HUWE1: variants seen among roughly 807,000 people sequenced by gnomAD.
HUWE1 encodes the protein HECT, UBA and WWE domain containing E3 ubiquitin protein ligase 1, also known as E3 ubiquitin-protein ligase HUWE1.
In HUWE1, 18 loss-of-function variants were observed where a neutral mutation model predicts 299.4. That is an observed-to-expected ratio of 0.06 (90% CI 0.04 to 0.09). The LOEUF is 0.09. Ranked by LOEUF, HUWE1 falls within the 10% of genes least tolerant of loss-of-function variation. The pLI is 1.00. For synonymous variants in HUWE1, 1,317 were observed against 1,286.1 expected (o/e 1.02, Z -0.51); for missense variants, 1,832 against 3,462.3 (o/e 0.53, Z 11.82).
Position 53,625,217 on chromosome X carries a change from T to C in HUWE1, c.1531A>G (p.Met511Val), listed in dbSNP as rs1209057426. The C allele has an allele frequency of 8.3e-7, 1 of 1,206,083 alleles. No individual in the cohort carries two copies. The highest frequency in any genetic ancestry group is 1.1e-6 in the Non-Finnish European group (1 of 890,208). ...IPQRAALLKS[M>V]LNFLKKAIQD... ...ATGGCCTTCTTGAGGAAATTCAACA[T>C]GGATTTCAGAAGTGCTGCTCGTTGT... The change falls in exon 18 of 84, where the codon ATG (methionine) becomes GTG (valine). Residue 511 changes from methionine to valine, a missense_variant. Physicochemically the swap from Met to Val is conservative, Grantham distance 21. Transcript: ENST00000262854.
chrX:53,572,640 T>TA lies in HUWE1; in HGVS notation c.6312+1109dup, dbSNP rs782585689. ...AGTTTCTCAAAATGCCCCACTCACT[T>TA]AAAAAATCTAACCTGAGGATAATTC... is the stretch of plus-strand genomic sequence containing the variant. On this transcript the variant is annotated intron_variant, in intron 47 of 83. Coordinates refer to ENST00000262854, the MANE Select transcript of HUWE1 (RefSeq NM_031407.7). Among the ~76,000 whole-genome samples, 434 of 111,905 alleles carry TA rather than the reference T, an allele frequency of 3.9e-3. 2 individuals carry two copies. Among genetic ancestry groups the TA allele is most frequent in the African/African-American group, 0.014 (423 of 30,754 alleles).
At chrX:53,566,121 G>GTC (rs1239258009) in intron 49 of HUWE1, among the ~76,000 whole-genome samples, 504 of 36,987 alleles carry the variant, frequency 0.014, 10 homozygotes, top group African/African-American at 0.047. Context: ...GTATGTATGT[G>GTC]TGTGTGTGTG....
intron 67 of HUWE1, 30 bp downstream of exon 67, chrX:53,548,929 A>G (rs1556925764): frequency 8.7e-7 from 1 of 1,155,307 alleles, no homozygotes; most frequent in Admixed American, 2.5e-5. Context: ...CCCTTCTTCC[A>G]TCCCCAGGAG....
rs111394245 is a variant in HUWE1 at position 53,551,221 on chromosome X, T to A, written c.9097-32A>T. On this transcript the variant is annotated intron_variant, in intron 64 of 83. Coordinates refer to ENST00000262854, the MANE Select transcript of HUWE1 (RefSeq NM_031407.7). ...AGCAGAAAAAGTCAATGAGGGCATT[T>A]CTCCTGCCAGGCAGCCTGGCCCCAC... 7.2e-5 allele frequency: 87 copies of A among 1,209,277 alleles called. No homozygotes were observed. The African/African-American group carries it at 1.3e-3, about 19-fold the overall frequency.
chrX:53,533,565 C>G lies in HUWE1; in HGVS notation c.13023-154G>C, dbSNP rs2060860151. ...TCTTGTCTCAGCCCAGTATGTCCCC[C>G]TTTATCTGGCTCCCAAACTGGCCAT... On this transcript the variant is annotated intron_variant, in intron 83 of 83. Coordinates refer to ENST00000262854, the MANE Select transcript of HUWE1 (RefSeq NM_031407.7). The G allele has an allele frequency of 1.2e-5, 6 of 493,197 alleles. No homozygotes were observed. The East Asian group carries it at 2.2e-4, about 18-fold the overall frequency. 40.6% of individuals were successfully genotyped at this position (493,197 alleles called of 1,213,427 possible). A position where few individuals can be genotyped will look rare whatever the true frequency, so the allele number is the denominator to read the frequency against.
In HUWE1 at chrX:53,630,750, C is replaced by T. The variant is rs1416311456; in HGVS notation, c.862+185G>A. 1.5e-5 allele frequency: 6 copies of T among 400,829 alleles called. No individual in the cohort carries two copies. The Admixed American group carries it at 2.2e-4, about 14-fold the overall frequency. The allele number at this position is 400,829 out of a possible 1,213,427, so 33.0% of individuals were successfully genotyped here. ...ATCAACATCATCATACCCTCTTTCTCGTCCAACATTAAGGAGCTCAAGGAT... is the reference window on the plus strand; with the variant it reads ...ATCAACATCATCATACCCTCTTTCTTGTCCAACATTAAGGAGCTCAAGGAT... On this transcript the variant is annotated intron_variant, in intron 12 of 83. Coordinates refer to ENST00000262854, the MANE Select transcript of HUWE1 (RefSeq NM_031407.7).
chrX:53,610,732 G>A (rs904367677), intron 23 of HUWE1, among the ~76,000 whole-genome samples: 14 of 111,744 alleles, frequency 1.3e-4, no homozygotes, highest in African/African-American at 4.6e-4. Flanking sequence ...CTCCCAGTGG[G>A]CCACATTTCA....
At chrX:53,574,024 C>T (rs1556955697) in intron 46 of HUWE1, 60 bp from the exon 47 acceptor site, 6 of 1,005,940 alleles carry the variant, frequency 6.0e-6, no homozygotes, top group Admixed American at 4.4e-5. Context: ...AAAATCAAGT[C>T]TTAGGTGGAA....
chrX:53,636,309 T>A (rs2149123486), intron 7 of HUWE1, among the ~76,000 whole-genome samples: 2 of 112,814 alleles, frequency 1.8e-5, no homozygotes, highest in South Asian at 7.3e-4. Context: ...AAACTGACTG[T>A]CGGAATTCAA....
In HUWE1 at chrX:53,592,928, G is replaced by A. The variant is rs139979899; in HGVS notation, c.3742-300C>T. Among the ~76,000 whole-genome samples the A allele has an allele frequency of 0.011, 1,176 of 111,566 alleles. 6 individuals are homozygous for A. Among genetic ancestry groups the A allele is most frequent in the Non-Finnish European group, 0.016 (850 of 53,067 alleles). Reference sequence around the variant, plus strand: ...TGTTTAGTGTTGTCTTCATGATAGTGAGTTAGTGTGTACCACCCCCTCCAC... The same window carrying A: ...TGTTTAGTGTTGTCTTCATGATAGTAAGTTAGTGTGTACCACCCCCTCCAC... On this transcript the variant is annotated intron_variant, in intron 32 of 83. Coordinates refer to ENST00000262854, the MANE Select transcript of HUWE1 (RefSeq NM_031407.7).
At chrX:53,601,213 G>A (rs1405818963) in intron 28 of HUWE1, among the ~76,000 whole-genome samples, 2 of 105,637 alleles carry the variant, frequency 1.9e-5, no homozygotes, top group African/African-American at 3.5e-5. Context: ...ACAGGGTCTC[G>A]CTCTGTCATC....
At chrX:53,627,658 C>T in intron 16 of HUWE1, 81 bp downstream of exon 16, 1 of 980,947 alleles carries the variant, frequency 1.0e-6, no homozygotes, top group Non-Finnish European at 1.4e-6. Flanking sequence ...TGTAAGATCG[C>T]TCTTTAGGGT....
chrX:53,554,756 C>A lies in HUWE1; in HGVS notation c.8371G>T (p.Ala2791Ser), dbSNP rs2047925685. Reference protein sequence around the residue: ...GEVPQELQSPAGEGGSSTQLL... With the variant: ...GEVPQELQSPSGEGGSSTQLL... ...TGTGTAGAGCTGCCCCCTTCTCCAG[C>A]TGGAGACTGCAGCTCCTGAGGAACC... Residue 2791 changes from alanine (A) to serine (S), a missense_variant, in exon 61 of 84, where the codon GCT becomes TCT. This residue lies in a region of HUWE1 where 143 missense variants were observed against 148.1 expected (regional missense o/e 0.97). Transcript: ENST00000262854. 8.3e-7 allele frequency: 1 copy of A among 1,210,215 alleles called. No homozygotes were observed. Among genetic ancestry groups the A allele is most frequent in the Admixed American group, 2.2e-5 (1 of 45,901 alleles).
chrX:53,577,111 T>A, intron 43 of HUWE1, 44 bp from the exon 44 acceptor site: 1 of 1,000,678 alleles, frequency 1.0e-6, no homozygotes, highest in Non-Finnish European at 1.4e-6. Flanking sequence ...CATGAAGCAG[T>A]ACCTAAACTA....
At chrX:53,676,148 CCT>C (rs1557051070) in intron 3 of HUWE1, among the ~76,000 whole-genome samples, 1 of 111,747 alleles carries the variant, frequency 8.9e-6, no homozygotes, top group African/African-American at 3.3e-5. Flanking sequence ...TTTTCACCAC[CCT>C]GACTGCCCAC....
intron 55 of HUWE1, 109 bp downstream of exon 55, chrX:53,561,640 AGCATAGG>A: frequency 9.5e-7 from 1 of 1,053,874 alleles, no homozygotes; most frequent in Middle Eastern, 3.5e-4. Context: ...CCAGGAAGTC[AGCATAGG>A]AAAAGAAGTG....
chrX:53,671,024 T>C (rs1487709508), intron 3 of HUWE1, among the ~76,000 whole-genome samples: 2 of 112,023 alleles, frequency 1.8e-5, no homozygotes, highest in African/African-American at 6.5e-5. Context: ...TAAAGGCCAA[T>C]TTAGCAATGA....
At chrX:53,649,258 C>T (rs1162984364) in intron 4 of HUWE1, among the ~76,000 whole-genome samples, 1 of 111,751 alleles carries the variant, frequency 8.9e-6, no homozygotes, top group Non-Finnish European at 1.9e-5. Flanking sequence ...CAAACGTCTG[C>T]CACATACATA....
chrX:53,536,703 A>G (rs781816300), intron 78 of HUWE1, 36 bp from the exon 79 acceptor site: 8 of 1,141,417 alleles, frequency 7.0e-6, no homozygotes, highest in Non-Finnish European at 9.6e-6. Flanking sequence ...AGAGCTGTGC[A>G]GAAAACCCAG....
Sources: gnomAD v4.1 joint callset for allele counts (sites outside exome capture counted in the v4.1 genomes callset) on GRCh38, gnomAD v4.1.1 for gene constraint, gnomAD v4.1.1 regional missense constraint, MANE v1.5 for transcripts, NCBI Gene and HGNC (gene_info 2026-07-23, HGNC 2026-07-21) for gene names.